IKBKB-DT: variants seen among roughly 807,000 people sequenced by gnomAD.
IKBKB-DT encodes IKBKB antisense RNA.
chr8:42,260,348 C>T (rs1290381321), intron 3 of IKBKB-DT, among the ~76,000 whole-genome samples: 1 of 152,060 alleles, frequency 6.6e-6, no homozygotes, highest in East Asian at 1.9e-4. Context: ...AGGCCAACTT[C>T]TGACCATAGA....
In IKBKB-DT at chr8:42,239,614, T is replaced by TTTTATATATATATATATATATA. The variant is rs1554502579; in HGVS notation, n.1530-5756_1530-5755insTATATATATATATATATATAAA. On this transcript the variant is annotated intron_variant and non_coding_transcript_variant, in intron 3 of 3. Coordinates refer to ENST00000518213, the Ensembl canonical transcript of IKBKB-DT. ...CCAACCAATTTTTGTAAAAGGCAAT[T>TTTTATATATATATATATATATA]TATATATATATATATATATATTTAT... 5.7e-3 allele frequency among the ~76,000 whole-genome samples: 113 copies of TTTTATATATATATATATATATA among 19,780 alleles called. 9 individuals carry two copies. The highest frequency in any genetic ancestry group is 6.5e-3 in the Non-Finnish European group (59 of 9,012). 13.0% of individuals were successfully genotyped at this position (19,780 alleles called of 152,430 possible). A position where few individuals can be genotyped will look rare whatever the true frequency, so the allele number is the denominator to read the frequency against.
In IKBKB-DT at chr8:42,239,894, C is replaced by T. The variant is rs552152239; in HGVS notation, n.1530-6035G>A. On this transcript the variant is annotated intron_variant and non_coding_transcript_variant, in intron 3 of 3. Transcript: ENST00000518213. ...CCTTAGGTGATCCACCTGGCTCAGC[C>T]TCCCAAAGTGTTGGGATTATAGGCA... Among the ~76,000 whole-genome samples, 9 of 151,822 alleles carry T rather than the reference C, an allele frequency of 5.9e-5. No homozygotes were observed. The South Asian group carries it at 1.9e-3, about 32-fold the overall frequency.
intron 3 of IKBKB-DT, among the ~76,000 whole-genome samples, chr8:42,241,285 G>GAA (rs1475801910): frequency 9.1e-6 from 1 of 109,730 alleles, no homozygotes; most frequent in Non-Finnish European, 1.7e-5. Flanking sequence ...AGGGCCAGTT[G>GAA]AAAATCTGTG....
exon 1 of IKBKB-DT, chr8:42,271,182 G>A (rs1807627879): frequency 1.7e-6 from 1 of 601,068 alleles, no homozygotes; most frequent in South Asian, 1.8e-5. Flanking sequence ...CGCCACCCCC[G>A]CCCCGGGGGA....
chr8:42,247,259 C>A, intron 3 of IKBKB-DT, among the ~76,000 whole-genome samples: 1 of 152,166 alleles, frequency 6.6e-6, no homozygotes, highest in Admixed American at 6.6e-5. Context: ...GACATGGAGT[C>A]AAAGAAGATT....
chr8:42,257,879 ACC>A, intron 3 of IKBKB-DT, among the ~76,000 whole-genome samples: 1 of 152,206 alleles, frequency 6.6e-6, no homozygotes, highest in East Asian at 1.9e-4. Context: ...TATCCATTTA[ACC>A]AAAGCGCTGG....
intron 1 of IKBKB-DT, among the ~76,000 whole-genome samples, chr8:42,268,967 T>C (rs750230214): frequency 3.9e-5 from 6 of 152,184 alleles, no homozygotes; most frequent in Non-Finnish European, 5.9e-5. Flanking sequence ...TATTTACTCA[T>C]GTTCCTGTTG....
chr8:42,246,477 A>C (rs562075675), intron 3 of IKBKB-DT, among the ~76,000 whole-genome samples: 1 of 152,340 alleles, frequency 6.6e-6, no homozygotes, highest in South Asian at 2.1e-4. Flanking sequence ...TTTGCACTTT[A>C]AAAATATCAA....
At chr8:42,258,468 C>CTT (rs1333571105) in intron 3 of IKBKB-DT, among the ~76,000 whole-genome samples, 7 of 142,368 alleles carry the variant, frequency 4.9e-5, no homozygotes, top group South Asian at 2.2e-4. Flanking sequence ...GTCTTTCTTT[C>CTT]TTTTTTTTTT....
chr8:42,254,420 A>T (rs28447094), intron 3 of IKBKB-DT, among the ~76,000 whole-genome samples: 2 of 143,624 alleles, frequency 1.4e-5, no homozygotes, highest in East Asian at 2.2e-4. Flanking sequence ...CTGCCCAGCC[A>T]CCGCCCCGTC....
At chr8:42,234,610 T>C (rs149353239) in intron 3 of IKBKB-DT, among the ~76,000 whole-genome samples, 205 of 152,224 alleles carry the variant, frequency 1.3e-3, no homozygotes, top group African/African-American at 4.8e-3. Context: ...ATTTTATACT[T>C]TATTTATTTT....
intron 3 of IKBKB-DT, among the ~76,000 whole-genome samples, chr8:42,251,653 A>G (rs1396812974): frequency 6.6e-6 from 1 of 152,134 alleles, no homozygotes; most frequent in Non-Finnish European, 1.5e-5. Flanking sequence ...GAAACTTTTT[A>G]CTTTCTACAT....
At chr8:42,268,049 C>T (rs964468829) in intron 1 of IKBKB-DT, among the ~76,000 whole-genome samples, 1 of 151,444 alleles carries the variant, frequency 6.6e-6, no homozygotes, top group Non-Finnish European at 1.5e-5. Flanking sequence ...TCAGAGATGA[C>T]AGGATTAAAG....
chr8:42,237,432 A>T (rs1238527190), intron 3 of IKBKB-DT, among the ~76,000 whole-genome samples: 2 of 152,048 alleles, frequency 1.3e-5, no homozygotes, highest in South Asian at 4.1e-4. Flanking sequence ...CAGTTGTTGC[A>T]TCTAAACTCT....
At chr8:42,243,395 G>A (rs944407330) in intron 3 of IKBKB-DT, among the ~76,000 whole-genome samples, 7 of 152,178 alleles carry the variant, frequency 4.6e-5, no homozygotes, top group African/African-American at 1.7e-4. Context: ...TGGGGAAAAG[G>A]AGGAAAAAGA....
rs1445519981 is a variant in IKBKB-DT, at chr8:42,269,440, C to T, written n.603+1211G>A. Among the ~76,000 whole-genome samples the T allele has an allele frequency of 7.6e-4, 13 of 17,052 alleles. No homozygotes were observed. In the East Asian group the frequency reaches 0.011, roughly 15 times the overall value. The allele number at this position is 17,052 out of a possible 152,430, so 11.2% of individuals were successfully genotyped here. The stretch of plus-strand genomic sequence containing the variant: ...GCTGGGAAGGGAAGGGGAGGGGAAG[C>T]GAGGGGAGGGGAGGGGAGGGGAGGG... On this transcript the variant is annotated intron_variant and non_coding_transcript_variant, in intron 1 of 3. Coordinates refer to ENST00000518213, the Ensembl canonical transcript of IKBKB-DT.
chr8:42,256,624 C>A (rs1188179745), intron 3 of IKBKB-DT, among the ~76,000 whole-genome samples: 2 of 151,998 alleles, frequency 1.3e-5, no homozygotes, highest in Non-Finnish European at 1.5e-5. Flanking sequence ...ATTGGGTCAT[C>A]TAGTCTGATG....
At chr8:42,240,126 C>T (rs1017954026) in intron 3 of IKBKB-DT, among the ~76,000 whole-genome samples, 4 of 151,730 alleles carry the variant, frequency 2.6e-5, no homozygotes, top group Admixed American at 6.6e-5. Flanking sequence ...GATACAGCCT[C>T]TAGACATAAG....
intron 3 of IKBKB-DT, among the ~76,000 whole-genome samples, chr8:42,259,995 CA>C (rs1227705573): frequency 3.9e-4 from 41 of 104,528 alleles, no homozygotes; most frequent in Non-Finnish European, 6.2e-4. Flanking sequence ...AAAAAAAAAA[CA>C]AAAAAAAAAG....
Sources: gnomAD v4.1 joint callset for allele counts (sites outside exome capture counted in the v4.1 genomes callset) on GRCh38, gnomAD v4.1.1 for gene constraint, MANE v1.5 for transcripts, NCBI Gene and HGNC (gene_info 2026-07-23, HGNC 2026-07-21) for gene names.